ELL: variants seen among roughly 807,000 people sequenced by gnomAD.
ELL encodes the protein RNA polymerase II elongation factor ELL.
ELL carries 18 observed loss-of-function variants against 64.0 expected under a neutral mutation model. The observed-to-expected ratio is 0.28, with a 90% CI of 0.19 to 0.42. The LOEUF is 0.42. Among genes scored for constraint, ELL ranks in the 10% least tolerant of loss-of-function variants. The probability of loss-of-function intolerance (pLI) is 1.00; values close to 1 mark genes in which losing one functional copy is unlikely to be tolerated. For synonymous variants in ELL, 399 were observed against 376.2 expected (o/e 1.06, Z -0.70); for missense variants, 797 against 870.4 (o/e 0.92, Z 1.06).
chr19:18,509,579 A>ATGTGCG (rs1555739199), intron 1 of ELL, among the ~76,000 whole-genome samples: 1 of 132,494 alleles, frequency 7.5e-6, no homozygotes, highest in African/African-American at 3.0e-5. Flanking sequence ...AGGCCAATGC[A>ATGTGCG]CGTGCGCGCG....
chr19:18,471,020 G>A lies in ELL; in HGVS notation c.183+1815C>T, dbSNP rs1226948642. 6.6e-6 allele frequency: 3 copies of A among 456,322 alleles called. No individual in the cohort carries two copies. In the Admixed American group the frequency reaches 7.1e-5, roughly 11 times the overall value. The allele number at this position is 456,322 out of a possible 1,614,324, so 28.3% of individuals were successfully genotyped here. A position where few individuals can be genotyped will look rare whatever the true frequency, so the allele number is the denominator to read the frequency against. ...CATGTCCATATCCCCACATCCAGCTGTGCAGAGCTCTCAGGCTGTGGACAG... is the reference window on the plus strand; with the variant it reads ...CATGTCCATATCCCCACATCCAGCTATGCAGAGCTCTCAGGCTGTGGACAG... On this transcript the variant is annotated intron_variant, in intron 2 of 11. Coordinates refer to ENST00000262809, the MANE Select transcript of ELL (RefSeq NM_006532.4).
chr19:18,470,065 C>T (rs1975032293), intron 2 of ELL, among the ~76,000 whole-genome samples: 2 of 152,232 alleles, frequency 1.3e-5, no homozygotes, highest in Admixed American at 1.3e-4. Flanking sequence ...GCCTATAATC[C>T]CAGCACTTTG....
chr19:18,476,509 C>A (rs963858845), intron 1 of ELL, among the ~76,000 whole-genome samples: 1 of 151,522 alleles, frequency 6.6e-6, no homozygotes, highest in Admixed American at 6.6e-5. Context: ...CTGTGGGCCA[C>A]GCCATCCAGT....
At chr19:18,484,464 C>G (rs1338319711) in intron 1 of ELL, among the ~76,000 whole-genome samples, 1 of 151,896 alleles carries the variant, frequency 6.6e-6, no homozygotes, top group African/African-American at 2.4e-5. Context: ...GACTCAGTCT[C>G]AAGAAAGAAA....
Position 18,450,644 on chromosome 19 carries a change from C to A in ELL, c.1298G>T (p.Cys433Phe). 1 of 1,603,442 alleles carries A rather than the reference C, an allele frequency of 6.2e-7. No homozygotes were observed. Among genetic ancestry groups the A allele is most frequent in the Non-Finnish European group, 8.5e-7 (1 of 1,175,624 alleles). ...VRLGLPLLTD[C>F]AQPSRPHGSP... The stretch of plus-strand genomic sequence containing the variant: ...GCCGTGTGGCCTGCTGGGCTGGGCA[C>A]AGTCCGTCAGCAGGGGCAGGCCGAG... Residue 433 changes from cysteine (C) to phenylalanine (F), a missense_variant, in exon 8 of 12, where the codon TGT (cysteine) becomes TTT (phenylalanine). Cys to Phe is a radical substitution (Grantham distance 205, BLOSUM62 -2). Transcript: ENST00000262809.
intron 1 of ELL, among the ~76,000 whole-genome samples, chr19:18,480,002 G>C (rs972861488): frequency 2.0e-5 from 3 of 152,192 alleles, no homozygotes; most frequent in Non-Finnish European, 1.5e-5. Flanking sequence ...ACTGGGCAAG[G>C]CCTGCCACCC....
chr19:18,476,536 T>G (rs924637908), intron 1 of ELL, among the ~76,000 whole-genome samples: 5 of 139,072 alleles, frequency 3.6e-5, no homozygotes, highest in African/African-American at 1.3e-4. Context: ...TTTAACCAGG[T>G]TCTGGTAGCT....
At chr19:18,446,691 G>C (rs538878987) in intron 9 of ELL, 57 bp downstream of exon 9, 3 of 1,599,718 alleles carry the variant, frequency 1.9e-6, no homozygotes, top group Non-Finnish European at 2.6e-6. Flanking sequence ...TGCTGGGGGA[G>C]GGGGTCTGAA....
intron 1 of ELL, among the ~76,000 whole-genome samples, chr19:18,509,662 C>G (rs1196962339): frequency 6.7e-6 from 1 of 149,708 alleles, no homozygotes; most frequent in Non-Finnish European, 1.5e-5. Flanking sequence ...CACACACTCC[C>G]CTCCCCAACT....
At position 18,450,562 on chromosome 19, in the gene ELL, C is replaced by T; in HGVS notation, c.1380G>A (p.Arg460=). 2 of 1,613,082 alleles carry T rather than the reference C, an allele frequency of 1.2e-6. No homozygotes were observed. Among genetic ancestry groups the T allele is most frequent in the Non-Finnish European group, 1.7e-6 (2 of 1,179,902 alleles). The stretch of plus-strand genomic sequence containing the variant: ...GGGCCCGGGGCTTGTCCTCAGCCGC[C>T]CTCTCCTTGTCTTTGTGCTTCTTGG... The part of the protein sequence containing the change: ...KKSKKHKDKE[R]AAEDKPRAQL... The change falls in exon 8 of 12, where the codon AGG becomes AGA. Residue 460 remains arginine, a synonymous_variant. Coordinates refer to ENST00000262809, the MANE Select transcript of ELL (RefSeq NM_006532.4).
chr19:18,486,416 G>T (rs1302252742), intron 1 of ELL, among the ~76,000 whole-genome samples: 1 of 152,176 alleles, frequency 6.6e-6, no homozygotes, highest in Non-Finnish European at 1.5e-5. Flanking sequence ...GTCCACTGTG[G>T]ATGTGACCCA....
chr19:18,521,684 TG>T (rs1976282189), intron 1 of ELL, among the ~76,000 whole-genome samples: 1 of 151,536 alleles, frequency 6.6e-6, no homozygotes, highest in Admixed American at 6.6e-5. Context: ...CGCGCGAGTC[TG>T]GGCCCCTCAG....
intron 1 of ELL, among the ~76,000 whole-genome samples, chr19:18,502,021 A>T (rs2144965850): frequency 1.3e-5 from 2 of 152,318 alleles, no homozygotes; most frequent in African/African-American, 4.8e-5. Context: ...CGTCACCCCC[A>T]GAGGCTGCTG....
chr19:18,444,869 C>A lies in ELL; in HGVS notation c.1750-1G>T. 1 of 1,610,786 alleles carries A rather than the reference C, an allele frequency of 6.2e-7. No homozygotes were observed. The highest frequency in any genetic ancestry group is 1.1e-5 in the South Asian group (1 of 90,966). On this transcript the variant is annotated splice_acceptor_variant, in intron 11 of 11. Coordinates refer to ENST00000262809, the MANE Select transcript of ELL (RefSeq NM_006532.4). LOFTEE classifies it high-confidence loss of function. Reference sequence around the variant, plus strand: ...TCTCCTGGCTGTAGTTGGTGTTGGTCTGTGGGACAGCACAGTCATGCTCAG... The same window carrying A: ...TCTCCTGGCTGTAGTTGGTGTTGGTATGTGGGACAGCACAGTCATGCTCAG...
At chr19:18,455,723 A>G (rs759714645) in intron 6 of ELL, among the ~76,000 whole-genome samples, 8 of 152,058 alleles carry the variant, frequency 5.3e-5, no homozygotes, top group Non-Finnish European at 1.2e-4. Context: ...AGAAAAAAAA[A>G]GAAACTACAA....
intron 1 of ELL, among the ~76,000 whole-genome samples, chr19:18,512,963 C>A (rs1976057700): frequency 6.6e-6 from 1 of 152,210 alleles, no homozygotes; most frequent in Non-Finnish European, 1.5e-5. Flanking sequence ...GGCGCAACAA[C>A]AGCATCTCAT....
intron 11 of ELL, 81 bp downstream of exon 11, chr19:18,445,143 G>A (rs1974385740): frequency 3.2e-6 from 5 of 1,573,010 alleles, no homozygotes; most frequent in Non-Finnish European, 3.5e-6. Flanking sequence ...GTAGCGGGCA[G>A]GGAGGCTGCC....
intron 6 of ELL, among the ~76,000 whole-genome samples, chr19:18,452,600 C>T (rs73525104): frequency 0.01 from 1,533 of 152,306 alleles, 26 homozygotes; most frequent in African/African-American, 0.034. Context: ...GAGCAAGAGG[C>T]ACCACGACCT....
chr19:18,461,561 A>G lies in ELL; in HGVS notation c.744+17T>C. On this transcript the variant is annotated intron_variant, in intron 5 of 11. Coordinates refer to ENST00000262809, the MANE Select transcript of ELL (RefSeq NM_006532.4). ...CGGAGACCACTGGTAAAGACAAGAC[A>G]TCGGGGCGGCACCCACCTGCTGGAG... is the stretch of plus-strand genomic sequence containing the variant. 1 of 1,583,746 alleles carries G rather than the reference A, an allele frequency of 6.3e-7. No individual in the cohort carries two copies. Among genetic ancestry groups the G allele is most frequent in the South Asian group, 1.1e-5 (1 of 88,778 alleles).
Sources: allele counts gnomAD v4.1 joint callset (sites outside exome capture counted in the v4.1 genomes callset), GRCh38; gene constraint gnomAD v4.1.1; transcripts MANE v1.5; gene names NCBI Gene and HGNC (gene_info 2026-07-23, HGNC 2026-07-21).